The following TCF12 variants were observed in gnomAD, a reference collection of about 807,000 sequenced individuals.
TCF12 encodes DNA-binding protein HTF4.
In TCF12, 45 loss-of-function variants were observed where a neutral mutation model predicts 86.0. The ratio of observed to expected loss-of-function variants is 0.52; its 90% CI spans 0.41 to 0.67. The LOEUF (loss-of-function observed/expected upper bound fraction) is 0.67. Among genes scored for constraint, TCF12 ranks in the 30% least tolerant of loss-of-function variants. TCF12 has a pLI of 0.00. For missense variants in TCF12, 881 were observed against 859.9 expected (o/e 1.02, Z -0.31); for synonymous variants, 330 against 299.6 (o/e 1.10, Z -1.05).
chr15:56,942,355 A>G (rs2060816169), intron 3 of TCF12, among the ~76,000 whole-genome samples: 2 of 152,226 alleles, frequency 1.3e-5, no homozygotes, highest in Admixed American at 6.5e-5. Context: ...TTTTGTTAAC[A>G]TTTAATAATA....
chr15:57,122,570 G>A (rs2051316460), intron 5 of TCF12, among the ~76,000 whole-genome samples: 1 of 152,130 alleles, frequency 6.6e-6, no homozygotes, highest in Non-Finnish European at 1.5e-5. Context: ...TGAGGAAGTA[G>A]AACGAACTCA....
rs149621019 is a variant in TCF12 at position 57,253,466 on chromosome 15, A to G, written c.1465A>G (p.Met489Val). The change falls in exon 16 of 21, where the codon ATG (methionine) becomes GTG (valine). Residue 489 changes from methionine to valine, a missense_variant and splice_region_variant. Physicochemically the swap from Met to Val is conservative, Grantham distance 21. Transcript: ENST00000333725. ...TGTTGCAAGCAGTCGATCAGCTTCA[A>G]TGGTAAAATCATGCTCATCTTTTTT... is the stretch of plus-strand genomic sequence containing the variant. ...SLVASSRSAS[M>V]VGTHREDSVS... is the part of the protein sequence containing the mutation. 373 of 1,613,976 alleles carry G rather than the reference A, an allele frequency of 2.3e-4. No homozygotes were observed. In the African/African-American group the frequency reaches 2.9e-3, roughly 13 times the overall value.
intron 3 of TCF12, among the ~76,000 whole-genome samples, chr15:57,063,464 C>T (rs1377287680): frequency 2.0e-5 from 3 of 152,232 alleles, no homozygotes; most frequent in Admixed American, 6.5e-5. Context: ...CAGTGCAGGG[C>T]GTGGTGCTGG....
chr15:57,151,679 C>A (rs375459211), intron 5 of TCF12, among the ~76,000 whole-genome samples: 3 of 151,662 alleles, frequency 2.0e-5, no homozygotes, highest in Non-Finnish European at 2.9e-5. Context: ...GCAGGAGAAT[C>A]GTTTGAACCC....
chr15:57,224,754 A>G (rs1273615432), intron 8 of TCF12, among the ~76,000 whole-genome samples: 1 of 152,146 alleles, frequency 6.6e-6, no homozygotes, highest in African/African-American at 2.4e-5. Context: ...ACAGAATTTC[A>G]AGTTGTATTT....
In TCF12 at chr15:57,045,484, G is replaced by A. The variant is rs113837538; in HGVS notation, c.149-18266G>A. Among the ~76,000 whole-genome samples the A allele has an allele frequency of 4.4e-3, 663 of 152,166 alleles. 12 individuals are homozygous for A. Among genetic ancestry groups the A allele is most frequent in the African/African-American group, 0.015 (635 of 41,484 alleles). ...ATTACACTCTGTGGTAATATCTTCT[G>A]TATCACTTGCTATAATAAGTCATTC... On this transcript the variant is annotated intron_variant, in intron 3 of 20. Coordinates refer to ENST00000333725, the MANE Select transcript of TCF12 (RefSeq NM_207037.2).
intron 5 of TCF12, among the ~76,000 whole-genome samples, chr15:57,108,478 T>G (rs2050277201): frequency 6.6e-6 from 1 of 152,120 alleles, no homozygotes; most frequent in Non-Finnish European, 1.5e-5. Flanking sequence ...TCCCTTTTTC[T>G]CCCCTAAAAT....
chr15:56,954,726 A>G (rs2061427096), intron 3 of TCF12, among the ~76,000 whole-genome samples: 1 of 152,216 alleles, frequency 6.6e-6, no homozygotes, highest in Non-Finnish European at 1.5e-5. Flanking sequence ...AATTTACAAG[A>G]TTAAAAACAA....
At chr15:56,959,964 C>G (rs1300244395) in intron 3 of TCF12, among the ~76,000 whole-genome samples, 1 of 152,218 alleles carries the variant, frequency 6.6e-6, no homozygotes, top group East Asian at 1.9e-4. Context: ...GAAATAGCTG[C>G]TGTAAACTTA....
At chr15:57,046,214 T>A (rs1293294977) in intron 3 of TCF12, among the ~76,000 whole-genome samples, 1 of 152,222 alleles carries the variant, frequency 6.6e-6, no homozygotes, top group Non-Finnish European at 1.5e-5. Flanking sequence ...AGAAGCAGAC[T>A]TAGATAGGGT....
chr15:56,934,923 T>C (rs1437655458), intron 3 of TCF12, among the ~76,000 whole-genome samples: 1 of 152,200 alleles, frequency 6.6e-6, no homozygotes, highest in Non-Finnish European at 1.5e-5. Context: ...GTTGCGTGAC[T>C]GGACTCAAGA....
intron 3 of TCF12, among the ~76,000 whole-genome samples, chr15:56,932,977 G>C (rs2060312817): frequency 6.6e-6 from 1 of 152,158 alleles, no homozygotes; most frequent in Non-Finnish European, 1.5e-5. Flanking sequence ...CTTTATAAAA[G>C]TGTAATTCTT....
chr15:56,991,162 G>A (rs1390801487), intron 3 of TCF12, among the ~76,000 whole-genome samples: 3 of 152,228 alleles, frequency 2.0e-5, no homozygotes, highest in Non-Finnish European at 1.5e-5. Context: ...TTACGTAAAT[G>A]TGTCATGTAA....
intron 3 of TCF12, among the ~76,000 whole-genome samples, chr15:56,971,489 A>C (rs759764614): frequency 6.6e-6 from 1 of 152,134 alleles, no homozygotes; most frequent in East Asian, 1.9e-4. Flanking sequence ...AAATAGGTCA[A>C]AGTTATGGAC....
In TCF12 at chr15:57,229,131, A is replaced by G. The variant is rs113202609; in HGVS notation, c.580-2021A>G. ...GGTTTAGCTTGGCTTGAGGAAATCT[A>G]TATAGAAAGGGGACAGAGAACTTCT... On this transcript the variant is annotated intron_variant, in intron 8 of 20. Transcript: ENST00000333725. Among the ~76,000 whole-genome samples the G allele has an allele frequency of 2.5e-4, 38 of 152,104 alleles. 1 individual carries two copies. Among genetic ancestry groups the G allele is most frequent in the Middle Eastern group, 6.8e-3 (2 of 294 alleles).
intron 3 of TCF12, among the ~76,000 whole-genome samples, chr15:56,979,344 A>G (rs574387799): frequency 6.6e-6 from 1 of 152,290 alleles, no homozygotes; most frequent in South Asian, 2.1e-4. Flanking sequence ...TATTTAAAAT[A>G]TCTCTCCCAT....
chr15:57,180,242 T>C (rs2056241464), intron 6 of TCF12, among the ~76,000 whole-genome samples: 1 of 152,200 alleles, frequency 6.6e-6, no homozygotes. Context: ...CCCTTCGATT[T>C]TGATTTGATT....
intron 3 of TCF12, among the ~76,000 whole-genome samples, chr15:57,008,426 A>T (rs2064613974): frequency 6.9e-6 from 1 of 144,932 alleles, no homozygotes. Context: ...CCCATGTTGG[A>T]GTATAGTGGT....
At chr15:57,010,337 C>G (rs533385265) in intron 3 of TCF12, among the ~76,000 whole-genome samples, 36 of 151,974 alleles carry the variant, frequency 2.4e-4, no homozygotes, top group African/African-American at 8.7e-4. Context: ...TGCTTGAGGC[C>G]AGGAGTTCAA....
Sources: allele counts gnomAD v4.1 joint callset (sites outside exome capture counted in the v4.1 genomes callset), GRCh38; gene constraint gnomAD v4.1.1; transcripts MANE v1.5; gene names NCBI Gene and HGNC (gene_info 2026-07-23, HGNC 2026-07-21).